Variants in ABCA5 observed in about 807,000 individuals in gnomAD.
ABCA5 encodes ATP binding cassette subfamily A member 5, also known as cholesterol transporter ABCA5.
Under a neutral mutation model 206.0 loss-of-function variants are expected in ABCA5, and 163 were observed. That is an observed-to-expected ratio of 0.79 (90% CI 0.70 to 0.90). ABCA5 has a LOEUF of 0.90. ABCA5 is among the 40% of genes least tolerant of loss of function. The probability of loss-of-function intolerance (pLI) is 0.00; values close to 1 mark genes in which losing one functional copy is unlikely to be tolerated. For missense variants in ABCA5, 1,859 were observed against 1,912.9 expected (o/e 0.97, Z 0.53); for synonymous variants, 609 against 613.8 (o/e 0.99, Z 0.11).
At chr17:69,252,016 A>ACCTTTATATTCTT in intron 34 of ABCA5, 150 bp from the exon 35 acceptor site, 1 of 612,598 alleles carries the variant, frequency 1.6e-6, no homozygotes, top group East Asian at 3.5e-5. Flanking sequence ...CCCAACTATG[A>ACCTTTATATTCTT]TTTTTTTTTT....
At position 69,273,959 on chromosome 17, in the gene ABCA5, C is replaced by T; in HGVS notation, c.2764G>A (p.Asp922Asn). 1 of 1,601,970 alleles carries T rather than the reference C, an allele frequency of 6.2e-7. No homozygotes were observed. The highest frequency in any genetic ancestry group is 8.5e-7 in the Non-Finnish European group (1 of 1,176,332). Residue 922 changes from aspartate to asparagine, a missense_variant and splice_region_variant, in exon 20 of 39, where the codon GAC (aspartate) becomes AAC (asparagine). Physicochemically the swap from Asp to Asn is conservative, Grantham distance 23. Coordinates refer to ENST00000392676, the MANE Select transcript of ABCA5 (RefSeq NM_172232.4). ...TTCACAGACCTTCACACACTCTCAC[C>T]AGCAGAATTTTGAAGAAGCAGACTT... Reference protein sequence around the residue: ...KTSLLLQNSADSDISDLISFF... With the variant: ...KTSLLLQNSANSDISDLISFF...
chr17:69,247,408 G>T lies in ABCA5; in HGVS notation c.*129C>A. ...CACACAACCACAGCATTTCAATTAA[G>T]GAGCTTAGAAAAATTTCAAGTGCGT... On this transcript the variant is annotated 3_prime_UTR_variant, in exon 39 of 39. Transcript: ENST00000392676. 1.7e-6 allele frequency: 1 copy of T among 603,560 alleles called. No individual in the cohort carries two copies. 37.4% of individuals were successfully genotyped at this position (603,560 alleles called of 1,614,324 possible).
Position 69,271,305 on chromosome 17 carries a change from A to T in ABCA5, c.2765-16T>A. The T allele has an allele frequency of 6.3e-7, 1 of 1,597,946 alleles. No individual in the cohort carries two copies. The highest frequency in any genetic ancestry group is 8.5e-7 in the Non-Finnish European group (1 of 1,173,744). On this transcript the variant is annotated splice_polypyrimidine_tract_variant and intron_variant, in intron 20 of 38. Coordinates refer to ENST00000392676, the MANE Select transcript of ABCA5 (RefSeq NM_172232.4). ...ATATCTGAGTCTGGTGTTAGAAAAT[A>T]AGCAAATAATAAAAAATGAGTCTAA... is the stretch of plus-strand genomic sequence containing the variant.
rs1018665499 is a variant in ABCA5 at position 69,244,970 on chromosome 17, G to T, written c.*2567C>A. 2 of 150,260 alleles carry T rather than the reference G, an allele frequency of 1.3e-5. No individual in the cohort carries two copies. The highest frequency in any genetic ancestry group is 4.9e-5 in the African/African-American group (2 of 41,106). 9.3% of individuals were successfully genotyped at this position (150,260 alleles called of 1,614,324 possible). On this transcript the variant is annotated 3_prime_UTR_variant, in exon 39 of 39. Transcript: ENST00000392676. ...AAGTATCTATCTTACAGATCTCCAC[G>T]ATCTTACAGGGCCAAAACTGATAGT...
At position 69,285,929 on chromosome 17, in the gene ABCA5, G is replaced by C. The variant is rs775523720; in HGVS notation, c.2241C>G (p.Ser747Arg). ...LQQNDQQLVYSLPFKDMDKFS... is the reference protein window; with the variant it reads ...LQQNDQQLVYRLPFKDMDKFS... ...ATTTGTCCATGTCCTTGAAAGGCAA[G>C]CTATACACAAGTTGTTGGTCATTCT... Residue 747 changes from serine to arginine, a missense_variant, in exon 17 of 39, where the codon AGC becomes AGG. By Grantham distance (110) the Ser-to-Arg change is moderately radical. Transcript: ENST00000392676. The C allele has an allele frequency of 6.2e-7, 1 of 1,612,894 alleles. No individual in the cohort carries two copies. The highest frequency in any genetic ancestry group is 1.1e-5 in the South Asian group (1 of 90,928).
intron 20 of ABCA5, among the ~76,000 whole-genome samples, chr17:69,272,651 T>C (rs961682017): frequency 6.6e-6 from 1 of 152,152 alleles, no homozygotes; most frequent in Non-Finnish European, 1.5e-5. Context: ...ATAATGAAAT[T>C]TCCTAATGAA....
Position 69,253,640 on chromosome 17 carries a change from T to C in ABCA5, c.4348A>G (p.Asn1450Asp). ...KLCFALSMLG[N>D]PQITLLDEPS... Reference sequence around the variant, plus strand: ...TCATCTAGCAAAGTAATCTGAGGATTCCCTAGCATACTTAGAGCAAAACAC... The same window carrying C: ...TCATCTAGCAAAGTAATCTGAGGATCCCCTAGCATACTTAGAGCAAAACAC... Residue 1450 changes from asparagine (N) to aspartate (D), a missense_variant, in exon 34 of 39, where the codon AAT (asparagine) becomes GAT (aspartate). Transcript: ENST00000392676. 2 of 1,613,770 alleles carry C rather than the reference T, an allele frequency of 1.2e-6. No individual in the cohort carries two copies. The highest frequency in any genetic ancestry group is 1.7e-6 in the Non-Finnish European group (2 of 1,179,804).
At chr17:69,267,076 T>C (rs2075217595) in intron 23 of ABCA5, among the ~76,000 whole-genome samples, 1 of 152,032 alleles carries the variant, frequency 6.6e-6, no homozygotes, top group Non-Finnish European at 1.5e-5. Context: ...GGTTTCTCCA[T>C]GTTGGTCAGG....
intron 18 of ABCA5, among the ~76,000 whole-genome samples, chr17:69,280,770 A>C (rs1232416260): frequency 6.6e-6 from 1 of 151,768 alleles, no homozygotes; most frequent in African/African-American, 2.4e-5. Flanking sequence ...CATTCTCAGT[A>C]AACTATTGCA....
At chr17:69,300,890 C>T (rs1040561916) in intron 9 of ABCA5, among the ~76,000 whole-genome samples, 4 of 152,066 alleles carry the variant, frequency 2.6e-5, no homozygotes, top group African/African-American at 9.7e-5. Context: ...TAAAGAAGGA[C>T]CAAGGTAAGA....
rs2075141825 is a variant in ABCA5, at chr17:69,261,103, TTAAAA to T, written c.3564+17_3564+21del. On this transcript the variant is annotated intron_variant, in intron 26 of 38. Coordinates refer to ENST00000392676, the MANE Select transcript of ABCA5 (RefSeq NM_172232.4). Reference sequence around the variant, plus strand: ...TATTTATTTTATGTTTTTTAACATATTAAAATATTTAGCAGAATTACCTTTATGAA... The same window carrying T: ...TATTTATTTTATGTTTTTTAACATATTATTTAGCAGAATTACCTTTATGAA... 6.7e-7 allele frequency: 1 copy of T among 1,503,690 alleles called. No homozygotes were observed. Among genetic ancestry groups the T allele is most frequent in the African/African-American group, 1.4e-5 (1 of 71,024 alleles). The allele number at this position is 1,503,690 out of a possible 1,614,324, so 93.1% of individuals were successfully genotyped here.
intron 1 of ABCA5, chr17:69,318,983 A>G (rs2075841380): frequency 1.9e-6 from 1 of 520,256 alleles, no homozygotes; most frequent in South Asian, 2.2e-5. Context: ...TGTTCAGCAG[A>G]AAAACCCATG....
intron 35 of ABCA5, chr17:69,251,445 T>C (rs2075012265): frequency 3.7e-6 from 1 of 269,036 alleles, no homozygotes; most frequent in African/African-American, 2.2e-5. Context: ...GAAACTCATA[T>C]GTTTATTTCA....
At chr17:69,308,191 G>T in intron 5 of ABCA5, 89 bp downstream of exon 5, 1 of 660,876 alleles carries the variant, frequency 1.5e-6, no homozygotes, top group Non-Finnish European at 2.4e-6. Context: ...ACATTTGACA[G>T]TAGTCAAACC....
chr17:69,322,737 C>T (rs1370996245), intron 1 of ABCA5, among the ~76,000 whole-genome samples: 2 of 152,140 alleles, frequency 1.3e-5, no homozygotes, highest in Non-Finnish European at 2.9e-5. Context: ...TACTAAATAC[C>T]TGTGGAATAA....
chr17:69,293,550 T>G (rs191464830), intron 11 of ABCA5, among the ~76,000 whole-genome samples: 39 of 152,280 alleles, frequency 2.6e-4, no homozygotes, highest in Non-Finnish European at 4.6e-4. Flanking sequence ...GAGTTAAACT[T>G]GATTAGTCTT....
At position 69,286,341 on chromosome 17, in the gene ABCA5, T is replaced by C. The variant is rs1220744003; in HGVS notation, c.2042-30A>G. 3 of 1,558,204 alleles carry C rather than the reference T, an allele frequency of 1.9e-6. No homozygotes were observed. In the African/African-American group the frequency reaches 4.2e-5, roughly 22 times the overall value. ...AGATAAATATTTACATTTCAATTTC[T>C]AAAGTATCAACAGCATTAATAATTG... On this transcript the variant is annotated intron_variant, in intron 15 of 38. Transcript: ENST00000392676.
rs754069144 is a variant in ABCA5, at chr17:69,253,658, C to T, written c.4330G>A (p.Ala1444Thr). 6.2e-7 allele frequency: 1 copy of T among 1,613,148 alleles called. No homozygotes were observed. The highest frequency in any genetic ancestry group is 1.1e-5 in the South Asian group (1 of 91,070). Residue 1444 changes from alanine (A) to threonine (T), a missense_variant, in exon 34 of 39, where the codon GCT becomes ACT. Transcript: ENST00000392676. Reference sequence around the variant, plus strand: ...TGAGGATTCCCTAGCATACTTAGAGCAAAACACAACTACATGGAAAGAAAA... The same window carrying T: ...TGAGGATTCCCTAGCATACTTAGAGTAAAACACAACTACATGGAAAGAAAA... ...PAGIKRKLCF[A>T]LSMLGNPQIT...
chr17:69,325,509 CTT>C (rs1419862797), intron 1 of ABCA5, among the ~76,000 whole-genome samples: 2 of 152,126 alleles, frequency 1.3e-5, no homozygotes, highest in East Asian at 1.9e-4. Context: ...AAAGTTATGA[CTT>C]AGTACAATAT....
Sources: gnomAD v4.1 joint callset for allele counts (sites outside exome capture counted in the v4.1 genomes callset) on GRCh38, gnomAD v4.1.1 for gene constraint, MANE v1.5 for transcripts, NCBI Gene and HGNC (gene_info 2026-07-23, HGNC 2026-07-21) for gene names.